The following SALL1 variants were observed in gnomAD, a reference collection of about 807,000 sequenced individuals.
SALL1 encodes spalt like transcription factor 1.
SALL1 carries 10 observed loss-of-function variants against 73.1 expected under a neutral mutation model. The ratio of observed to expected loss-of-function variants is 0.14; its 90% CI spans 0.08 to 0.23. The LOEUF (loss-of-function observed/expected upper bound fraction) is 0.23. Ranked by LOEUF, SALL1 falls within the 10% of genes least tolerant of loss-of-function variation. SALL1 has a pLI of 1.00. For missense variants in SALL1, 1,520 were observed against 1,697.3 expected, an observed-to-expected ratio of 0.90 and a Z score of 1.84; for synonymous variants, 688 against 689.8, an observed-to-expected ratio of 1.00 and a Z score of 0.04.
upstream of SALL1, chr16:51,151,445 T>A (rs1411937717): frequency 5.3e-6 from 1 of 188,694 alleles, no homozygotes. Context: ...CGATTAATCA[T>A]AGAGGGGCTC....
At position 51,140,839 on chromosome 16, in the gene SALL1, G is replaced by A. The variant is rs1962410542; in HGVS notation, c.1383C>T (p.Asp461=). 1.9e-6 allele frequency: 3 copies of A among 1,614,094 alleles called. No individual in the cohort carries two copies. ...AACGCAAGTGGATCTGCAAGGCACTGTCACTCCCAAAGACCTTCGCGCAGA... is the reference window on the plus strand; with the variant it reads ...AACGCAAGTGGATCTGCAAGGCACTATCACTCCCAAAGACCTTCGCGCAGA... ...CRFCAKVFGS[D]SALQIHLRSH... The change falls in exon 2 of 3, where the codon GAC becomes GAT. Residue 461 remains aspartate, a synonymous_variant. Coordinates refer to ENST00000251020, the MANE Select transcript of SALL1 (RefSeq NM_002968.3). The surrounding 1 kb of genome is among the most constrained non-coding windows in gnomAD (Gnocchi z 5.7).
In SALL1 at chr16:51,141,655, G is replaced by A. The variant is rs79975375; in HGVS notation, c.567C>T (p.Ser189=). Residue 189 remains serine (S), a synonymous_variant, in exon 2 of 3, where the codon TCC becomes TCT. Coordinates refer to ENST00000251020, the MANE Select transcript of SALL1 (RefSeq NM_002968.3). The surrounding 1 kb of genome is among the most constrained non-coding windows in gnomAD (Gnocchi z 5.4). ...LGDLTTLGNF[S]VINSNVIIEN... ...CGATGATGACGTTGCTGTTGATTAC[G>A]GAGAAGTTGCCCAGTGTTGTCAGGT... 9 of 1,613,564 alleles carry A rather than the reference G, an allele frequency of 5.6e-6. No homozygotes were observed. The highest frequency in any genetic ancestry group is 4.4e-5 in the South Asian group (4 of 91,054).
chr16:51,151,416 G>C (rs1387747650), upstream of SALL1: 2 of 217,796 alleles, frequency 9.2e-6, no homozygotes, highest in African/African-American at 4.9e-5. Context: ...CTATAATTAT[G>C]ATTATCAATA....
intron 1 of SALL1, among the ~76,000 whole-genome samples, chr16:51,149,038 G>C (rs192365425): frequency 3.0e-3 from 462 of 151,956 alleles, no homozygotes; most frequent in Non-Finnish European, 5.2e-3. Flanking sequence ...AAAAGAAGGA[G>C]AGAAAAGAGA....
rs1309713348 is a variant in SALL1, at chr16:51,137,345, T to A, written c.3742A>T (p.Lys1248Ter). The A allele has an allele frequency of 6.2e-7, 1 of 1,614,130 alleles. No homozygotes were observed. Among genetic ancestry groups the A allele is most frequent in the South Asian group, 1.1e-5 (1 of 91,074 alleles). The change falls in exon 3 of 3, where the codon AAG becomes TAG. Residue 1248 changes from lysine (K) to a stop codon, truncating the protein, a stop_gained. Coordinates refer to ENST00000251020, the MANE Select transcript of SALL1 (RefSeq NM_002968.3). LOFTEE classifies it high-confidence loss of function. ...TGAATGACGGAGATCTCGTTGGCCT[T>A]CATCGCCAGCCCGTTGGAGAGCGCT... is the stretch of plus-strand genomic sequence containing the variant. ...AAALSNGLAM[K>*]ANEISVIQNG... is the part of the protein sequence containing the mutation.
chr16:51,151,310 A>G, upstream of SALL1: 2 of 1,208,788 alleles, frequency 1.7e-6, no homozygotes. Context: ...AATTACGGAA[A>G]TCGAGCGGCG....
chr16:51,138,568 C>T (rs1314263213), intron 2 of SALL1, 120 bp downstream of exon 2: 37 of 1,326,540 alleles, frequency 2.8e-5, no homozygotes, highest in Non-Finnish European at 3.5e-5. Flanking sequence ...AGCAGGTTCC[C>T]TTGCAAGAGC....
chr16:51,147,541 A>C (rs1413076892), intron 1 of SALL1, among the ~76,000 whole-genome samples: 2 of 152,172 alleles, frequency 1.3e-5, no homozygotes, highest in South Asian at 2.1e-4. Context: ...AAAATGAGCA[A>C]ATTACTTCGG....
At chr16:51,151,376 C>G (rs1036952800), upstream of SALL1, 21 of 317,458 alleles carry the variant, frequency 6.6e-5, no homozygotes, top group African/African-American at 2.9e-4. Flanking sequence ...CCCGGCTCCC[C>G]GGCCCCGGGC....
At chr16:51,147,565 T>C (rs1962537287) in intron 1 of SALL1, among the ~76,000 whole-genome samples, 1 of 152,200 alleles carries the variant, frequency 6.6e-6, no homozygotes, top group South Asian at 2.1e-4. Context: ...AATAATAGAA[T>C]TTCATTATTA....
chr16:51,137,030 G>T lies in SALL1; in HGVS notation c.*82C>A. 2 of 1,244,322 alleles carry T rather than the reference G, an allele frequency of 1.6e-6. No homozygotes were observed. The highest frequency in any genetic ancestry group is 1.2e-6 in the Non-Finnish European group (1 of 864,408). 77.1% of individuals were successfully genotyped at this position (1,244,322 alleles called of 1,614,324 possible). A position where few individuals can be genotyped will look rare whatever the true frequency, so the allele number is the denominator to read the frequency against. On this transcript the variant is annotated 3_prime_UTR_variant, in exon 3 of 3. Transcript: ENST00000251020. ...GGGGAACAGAAGGAAGGGGCGGGGC[G>T]GGGTGGGGGGCAAGGAGTAGGAGGC...
At chr16:51,151,518 C>G (rs1270935633), upstream of SALL1, among the ~76,000 whole-genome samples, 2 of 151,846 alleles carry the variant, frequency 1.3e-5, no homozygotes, top group Non-Finnish European at 2.9e-5. Flanking sequence ...TCAATTAGTT[C>G]GTGATTTGCT....
Position 51,138,797 on chromosome 16 carries a change from G to A in SALL1, c.3425C>T (p.Thr1142Ile). The A allele has an allele frequency of 6.2e-7, 1 of 1,614,218 alleles. No individual in the cohort carries two copies. Among genetic ancestry groups the A allele is most frequent in the Non-Finnish European group, 8.5e-7 (1 of 1,180,030 alleles). Residue 1142 changes from threonine to isoleucine, a missense_variant, in exon 2 of 3, where the codon ACC (threonine) becomes ATC (isoleucine). Physicochemically the swap from Thr to Ile is moderately conservative, Grantham distance 89. Coordinates refer to ENST00000251020, the MANE Select transcript of SALL1 (RefSeq NM_002968.3). ...KQHYCNTCGK[T>I]FSSSSALQIH... ...CTGCAGGGCACTCGATGAGGAGAAG[G>A]TTTTGCCACATGTGTTGCAGTAGTG...
At chr16:51,151,984 A>C, upstream of SALL1, 2 of 148,226 alleles carry the variant, frequency 1.3e-5, no homozygotes, top group South Asian at 2.1e-4. Flanking sequence ...TTTAAGAGCT[A>C]CCAGAAAGCA....
rs1029206123 is a variant in SALL1 at position 51,150,292 on chromosome 16, C to G, written c.76+874G>C. On this transcript the variant is annotated intron_variant, in intron 1 of 2. Transcript: ENST00000251020. ...GGGGGGATTCCACTCTGGCTGGCCACCCGCAAACCTGGAAAACTATTCTAT... is the reference window on the plus strand; with the variant it reads ...GGGGGGATTCCACTCTGGCTGGCCAGCCGCAAACCTGGAAAACTATTCTAT... 5 of 662,446 alleles carry G rather than the reference C, an allele frequency of 7.5e-6. No homozygotes were observed. In the African/African-American group the frequency reaches 9.8e-5, roughly 13 times the overall value. The allele number at this position is 662,446 out of a possible 1,614,324, so 41.0% of individuals were successfully genotyped here.
chr16:51,141,570 C>T lies in SALL1; in HGVS notation c.652G>A (p.Gly218Arg), dbSNP rs755995166. 7.4e-6 allele frequency: 12 copies of T among 1,614,116 alleles called. No individual in the cohort carries two copies. The East Asian group carries it at 2.2e-4, about 30-fold the overall frequency. Residue 218 changes from glycine to arginine, a missense_variant, in exon 2 of 3, where the codon GGG becomes AGG. Around this residue, in one of 7 missense-constraint regions of SALL1, gnomAD observed 540 missense variants for 567.5 expected, o/e 0.95. Coordinates refer to ENST00000251020, the MANE Select transcript of SALL1 (RefSeq NM_002968.3). This position sits in a 1 kb window ranked among gnomAD's most constrained non-coding sequence, Gnocchi z 5.4. ...ACGGCCAGCTTGCCCCCAGAGGCCC[C>T]GCCGCACCTCGCTTCCTGGGAGAAC... The part of the protein sequence containing the change: ...AQFSQEARCG[G>R]ASGGKLAVPA...
rs577257421 is a variant in SALL1, at chr16:51,140,387, G to A, written c.1835C>T (p.Ala612Val). The A allele has an allele frequency of 6.2e-7, 1 of 1,614,128 alleles. No individual in the cohort carries two copies. Among genetic ancestry groups the A allele is most frequent in the Admixed American group, 1.7e-5 (1 of 60,026 alleles). Residue 612 changes from alanine (A) to valine (V), a missense_variant, in exon 2 of 3, where the codon GCC (alanine) becomes GTC (valine). Ala to Val is a moderately conservative substitution (Grantham distance 64). Transcript: ENST00000251020. This position sits in a 1 kb window ranked among gnomAD's most constrained non-coding sequence, Gnocchi z 5.7. ...TRNLGGLPEEAEGSTLPPSGG... is the reference protein window; with the variant it reads ...TRNLGGLPEEVEGSTLPPSGG... ...AGAGGGTGGCAGAGTGGACCCTTCG[G>A]CTTCCTCTGGGAGCCCACCTAGGTT...
intron 1 of SALL1, among the ~76,000 whole-genome samples, chr16:51,147,372 A>G (rs1962533653): frequency 6.6e-6 from 1 of 152,218 alleles, no homozygotes; most frequent in South Asian, 2.1e-4. Context: ...CTCATTCAGA[A>G]TCTTCCATTA....
chr16:51,140,499 G>A lies in SALL1; in HGVS notation c.1723C>T (p.Pro575Ser). The change falls in exon 2 of 3, where the codon CCA becomes TCA. Residue 575 changes from proline to serine, a missense_variant. Around this residue, in one of 7 missense-constraint regions of SALL1, gnomAD observed 276 missense variants for 259.1 expected, o/e 1.07. Coordinates refer to ENST00000251020, the MANE Select transcript of SALL1 (RefSeq NM_002968.3). This position sits in a 1 kb window ranked among gnomAD's most constrained non-coding sequence, Gnocchi z 5.7. ...SLIPFIKTEEPAPIPISHSAT... is the reference protein window; with the variant it reads ...SLIPFIKTEESAPIPISHSAT... Reference sequence around the variant, plus strand: ...GAATGGCTGATGGGGATGGGGGCTGGCTCTTCCGTCTTGATGAAGGGTATG... The same window carrying A: ...GAATGGCTGATGGGGATGGGGGCTGACTCTTCCGTCTTGATGAAGGGTATG... The A allele has an allele frequency of 6.2e-7, 1 of 1,613,974 alleles. No individual in the cohort carries two copies. Among genetic ancestry groups the A allele is most frequent in the Non-Finnish European group, 8.5e-7 (1 of 1,179,950 alleles).
Sources: gnomAD v4.1 joint callset for allele counts (sites outside exome capture counted in the v4.1 genomes callset) on GRCh38, gnomAD v4.1.1 for gene constraint, gnomAD v4.1.1 regional missense constraint, Gnocchi (gnomAD v3.1) non-coding constraint, MANE v1.5 for transcripts, NCBI Gene and HGNC (gene_info 2026-07-23, HGNC 2026-07-21) for gene names.